PLEC: variants seen among roughly 807,000 people sequenced by gnomAD.
The protein encoded by PLEC is plectin, also known as hemidesmosomal protein 1.
PLEC carries 216 observed loss-of-function variants against 392.8 expected under a neutral mutation model. The observed-to-expected ratio is 0.55, with a 90% confidence interval of 0.49 to 0.62. The LOEUF is 0.62. Among genes scored for constraint, PLEC ranks in the 20% least tolerant of loss-of-function variants. The pLI is 0.00. For missense variants in PLEC, 6,863 were observed against 6,563.4 expected, an observed-to-expected ratio of 1.05 and a Z score of -1.58; for synonymous variants, 3,621 against 2,980.6, an observed-to-expected ratio of 1.21 and a Z score of -7.00.
chr8:143,934,541 TGGTCCCAAAGGCAGGGCCAGGTCG>T, intron 10 of PLEC, 70 bp downstream of exon 10: 1 of 1,597,770 alleles, frequency 6.3e-7, no homozygotes, highest in South Asian at 1.1e-5. Flanking sequence ...GGGACAGCCC[TGGTCCCAAAGGCAGGGCCAGGTCG>T]GCTCCGGAAG....
rs201273543 is a variant in PLEC, at chr8:143,919,230, C to T, written c.10591G>A (p.Val3531Met). 253 of 1,613,778 alleles carry T rather than the reference C, an allele frequency of 1.6e-4. 1 individual carries two copies. Among genetic ancestry groups the T allele is most frequent in the South Asian group, 6.9e-4 (63 of 91,086 alleles). ...LTYRQLLERC[V>M]EDPETGLRLL... ...CGCAAGCCCGTCTCGGGGTCCTCCA[C>T]GCACCGCTCCAGCAGCTGCCTGTAC... The change falls in exon 32 of 32, where the codon GTG becomes ATG. Residue 3531 changes from valine to methionine, a missense_variant. Transcript: ENST00000345136.
Position 143,922,494 on chromosome 8 carries a change from G to A in PLEC, c.7425+10C>T, listed in dbSNP as rs1554689755. On this transcript the variant is annotated intron_variant, in intron 31 of 31. Transcript: ENST00000345136. ...GCCCACCCGCCCGTCGCACGTAGAG[G>A]GGGCGGTACCTCCTCAGACTTGAGC... is the stretch of plus-strand genomic sequence containing the variant. The A allele has an allele frequency of 1.9e-6, 3 of 1,606,862 alleles. No individual in the cohort carries two copies. Among genetic ancestry groups the A allele is most frequent in the Non-Finnish European group, 2.5e-6 (3 of 1,179,972 alleles).
Position 143,925,163 on chromosome 8 carries a change from G to C in PLEC, c.4766C>G (p.Thr1589Arg), listed in dbSNP as rs781834088. 1.3e-6 allele frequency: 2 copies of C among 1,560,222 alleles called. No homozygotes were observed. Among genetic ancestry groups the C allele is most frequent in the Non-Finnish European group, 1.7e-6 (2 of 1,161,074 alleles). Residue 1589 changes from threonine (T) to arginine (R), a missense_variant, in exon 31 of 32, where the codon ACG (threonine) becomes AGG (arginine). Physicochemically the swap from Thr to Arg is moderately conservative, Grantham distance 71 (BLOSUM62 -1). Transcript: ENST00000345136. The part of the protein sequence containing the change: ...QSKRASFAEK[T>R]AQLERSLQEE... Reference sequence around the variant, plus strand: ...CTGCAGGGAGCGCTCCAGCTGTGCCGTCTTCTCGGCGAAGGAGGCGCGTTT... The same window carrying C: ...CTGCAGGGAGCGCTCCAGCTGTGCCCTCTTCTCGGCGAAGGAGGCGCGTTT...
Position 143,926,865 on chromosome 8 carries a change from C to A in PLEC, c.3963G>T (p.Thr1321=), listed in dbSNP as rs1405843505. The part of the protein sequence containing the change: ...SVIQEYVDLR[T]HYSELTTLTS... ...TCAGTGTGGTCAGCTCGCTGTAGTG[C>A]GTACGCAGGTCCACGTACTGTGGAG... The change falls in exon 30 of 32, where the codon ACG becomes ACT. Residue 1321 remains threonine, a synonymous_variant. Transcript: ENST00000345136. The A allele has an allele frequency of 6.2e-7, 1 of 1,613,248 alleles. No homozygotes were observed.
intron 1 of PLEC, among the ~76,000 whole-genome samples, chr8:143,972,428 C>T (rs1244258011): frequency 2.6e-5 from 4 of 152,214 alleles, no homozygotes; most frequent in African/African-American, 7.2e-5. Context: ...CGCTGGAGGA[C>T]GCCTGAAGGA....
At position 143,923,150 on chromosome 8, in the gene PLEC, T is replaced by C. The variant is rs181231176; in HGVS notation, c.6779A>G (p.Asp2260Gly). The change falls in exon 31 of 32, where the codon GAC becomes GGC. Residue 2260 changes from aspartate to glycine, a missense_variant. Physicochemically the swap from Asp to Gly is moderately conservative, Grantham distance 94 (BLOSUM62 -1). Coordinates refer to ENST00000345136, the MANE Select transcript of PLEC (RefSeq NM_201384.3). The stretch of plus-strand genomic sequence containing the variant: ...CTCCTGCAGGAAGCGCTGCGTATTG[T>C]CCTTGTCACGCAAGATGAGTGCGCG... ...ENRALILRDK[D>G]NTQRFLQEEA... is the part of the protein sequence containing the mutation. The C allele has an allele frequency of 6.9e-6, 11 of 1,602,860 alleles. No homozygotes were observed. Among genetic ancestry groups the C allele is most frequent in the South Asian group, 4.4e-5 (4 of 91,086 alleles).
chr8:143,917,475 G>A lies in PLEC; in HGVS notation c.12346C>T (p.Leu4116=), dbSNP rs532832910. The part of the protein sequence containing the change: ...ERCITDPQTG[L]CLLPLKEKKR... ...TTCTCCTTCAGCGGCAAGAGACACAGGCCCGTCTGGGGGTCAGTGATACAA... is the reference window on the plus strand; with the variant it reads ...TTCTCCTTCAGCGGCAAGAGACACAAGCCCGTCTGGGGGTCAGTGATACAA... The change falls in exon 32 of 32, where the codon CTG becomes TTG. Residue 4116 remains leucine (L), a synonymous_variant. Coordinates refer to ENST00000345136, the MANE Select transcript of PLEC (RefSeq NM_201384.3). 4.3e-6 allele frequency: 7 copies of A among 1,613,860 alleles called. No homozygotes were observed. The South Asian group carries it at 5.5e-5, about 13-fold the overall frequency.
intron 1 of PLEC, among the ~76,000 whole-genome samples, chr8:143,965,532 G>C (rs879987063): frequency 6.6e-6 from 1 of 151,884 alleles, no homozygotes. Flanking sequence ...CCCACTGTGG[G>C]TCTGTGGGCA....
upstream of PLEC, among the ~76,000 whole-genome samples, chr8:143,974,992 CT>C (rs1316128986): frequency 3.3e-5 from 5 of 152,348 alleles, no homozygotes; most frequent in Admixed American, 6.5e-5. The surrounding 1 kb of genome is among the most constrained non-coding windows in gnomAD (Gnocchi z 5.9). Flanking sequence ...CATGAACCGC[CT>C]GGGCGCGGCC....
chr8:143,931,099 T>C (rs1554714669), intron 19 of PLEC, among the ~76,000 whole-genome samples: 1 of 152,188 alleles, frequency 6.6e-6, no homozygotes, highest in East Asian at 1.9e-4. Context: ...GCCCCTTCTA[T>C]AGTACAAGGG....
rs1338078671 is a variant in PLEC at position 143,973,492 on chromosome 8, G to A, written c.-20C>T. ...GGCCATGCCGGCGGGCGCGGGGCGC[G>A]GGGTGCAGCGGAGCCTCCAGCACCC... On this transcript the variant is annotated 5_prime_UTR_variant, in exon 1 of 32. Transcript: ENST00000356346. The surrounding 1 kb of genome is among the most constrained non-coding windows in gnomAD (Gnocchi z 5.6). The A allele has an allele frequency of 3.4e-6, 5 of 1,490,370 alleles. No homozygotes were observed. Among genetic ancestry groups the A allele is most frequent in the Admixed American group, 4.4e-5 (2 of 45,470 alleles). 92.3% of individuals were successfully genotyped at this position (1,490,370 alleles called of 1,614,324 possible).
In PLEC at chr8:143,926,855, C is replaced by T. The variant is rs782178037; in HGVS notation, c.3973G>A (p.Glu1325Lys). Residue 1325 changes from glutamate to lysine, a missense_variant, in exon 30 of 32, where the codon GAG becomes AAG. Physicochemically the swap from Glu to Lys is moderately conservative, Grantham distance 56. Coordinates refer to ENST00000345136, the MANE Select transcript of PLEC (RefSeq NM_201384.3). Reference sequence around the variant, plus strand: ...TACTGGCTCGTCAGTGTGGTCAGCTCGCTGTAGTGCGTACGCAGGTCCACG... The same window carrying T: ...TACTGGCTCGTCAGTGTGGTCAGCTTGCTGTAGTGCGTACGCAGGTCCACG... ...EYVDLRTHYS[E>K]LTTLTSQYIK... 2.2e-5 allele frequency: 35 copies of T among 1,613,562 alleles called. No homozygotes were observed. The highest frequency in any genetic ancestry group is 4.0e-5 in the African/African-American group (3 of 75,068).
At position 143,924,328 on chromosome 8, in the gene PLEC, C is replaced by G. The variant is rs782704236; in HGVS notation, c.5601G>C (p.Arg1867=). The change falls in exon 31 of 32, where the codon CGG becomes CGC. Residue 1867 remains arginine (R), a synonymous_variant. Transcript: ENST00000345136. The part of the protein sequence containing the change: ...KEKEAENERL[R]RLAEDEAFQR... Reference sequence around the variant, plus strand: ...GGAAGGCCTCGTCCTCCGCCAGCCGCCGCAGGCGCTCGTTCTCCGCCTCCT... The same window carrying G: ...GGAAGGCCTCGTCCTCCGCCAGCCGGCGCAGGCGCTCGTTCTCCGCCTCCT... The G allele has an allele frequency of 1.9e-6, 3 of 1,596,454 alleles. No homozygotes were observed. In the African/African-American group the frequency reaches 4.0e-5, roughly 21 times the overall value.
chr8:143,968,548 G>C (rs1399912606), intron 1 of PLEC, among the ~76,000 whole-genome samples: 1 of 76,942 alleles, frequency 1.3e-5, no homozygotes, highest in Non-Finnish European at 2.7e-5. Flanking sequence ...AAAAAAAAAA[G>C]ACACCAGCAA....
At chr8:143,944,094 G>A (rs373137793), upstream of PLEC, 76 of 681,956 alleles carry the variant, frequency 1.1e-4, no homozygotes, top group East Asian at 1.3e-3. Context: ...CCGCGGGTCC[G>A]GCCCTCGGCG....
upstream of PLEC, among the ~76,000 whole-genome samples, chr8:143,953,506 T>A (rs908067062): frequency 2.6e-5 from 4 of 151,814 alleles, no homozygotes; most frequent in African/African-American, 9.7e-5. Context: ...CCGACGCTCC[T>A]GCAGGGCTGC....
At chr8:143,929,341 A>T (rs1826355245) in intron 24 of PLEC, 60 bp from the exon 25 acceptor site, 1 of 1,584,142 alleles carries the variant, frequency 6.3e-7, no homozygotes, top group Non-Finnish European at 8.5e-7. Context: ...GCGCCCCTTG[A>T]AGGCCAAAGG....
intron 3 of PLEC, 119 bp from the exon 4 acceptor site, chr8:143,937,361 C>A: frequency 1.3e-6 from 1 of 758,134 alleles, no homozygotes; most frequent in East Asian, 2.7e-5. Context: ...GCAGCAGCCC[C>A]TCATCCCAGG....
intron 5 of PLEC, 62 bp downstream of exon 5, chr8:143,936,916 AG>A: frequency 1.5e-6 from 2 of 1,305,158 alleles, no homozygotes; most frequent in South Asian, 2.4e-5. Flanking sequence ...CCGCCAGCCA[AG>A]GAGCCCAGGC....
Sources: allele counts gnomAD v4.1 joint callset (sites outside exome capture counted in the v4.1 genomes callset), GRCh38; gene constraint gnomAD v4.1.1; non-coding constraint Gnocchi (gnomAD v3.1); transcripts MANE v1.5; gene names NCBI Gene and HGNC (gene_info 2026-07-23, HGNC 2026-07-21).